Variants in ZNF385D observed in about 807,000 individuals in gnomAD.
ZNF385D encodes zinc finger protein 659.
In ZNF385D, 15 loss-of-function variants were observed where a neutral mutation model predicts 35.8. The observed-to-expected ratio is 0.42, with a 90% confidence interval of 0.28 to 0.64. ZNF385D has a LOEUF of 0.64. Ranked by LOEUF, ZNF385D falls within the 30% of genes least tolerant of loss-of-function variation. The pLI is 0.23. For synonymous variants in ZNF385D, 212 were observed against 186.8 expected (o/e 1.13, Z -1.10); for missense variants, 474 against 494.6 (o/e 0.96, Z 0.39).
intron 3 of ZNF385D, among the ~76,000 whole-genome samples, chr3:21,949,361 T>A (rs1478150353): frequency 2.6e-5 from 4 of 152,116 alleles, no homozygotes; most frequent in Non-Finnish European, 5.9e-5. Flanking sequence ...TCATCCTCCA[T>A]CCTGATGTGC....
chr3:21,499,653 A>C (rs1241496009), intron 4 of ZNF385D, among the ~76,000 whole-genome samples: 8 of 151,968 alleles, frequency 5.3e-5, no homozygotes, highest in African/African-American at 1.4e-4. Flanking sequence ...TTTGAAAAAA[A>C]AAAACCAAAA....
intron 3 of ZNF385D, chr3:21,961,551 A>G (rs1361543626): frequency 1.3e-5 from 2 of 152,260 alleles, no homozygotes; most frequent in Non-Finnish European, 2.9e-5. Flanking sequence ...CTATAGTGAT[A>G]AATAAATTTA....
At chr3:21,968,756 G>C (rs143336392) in intron 3 of ZNF385D, among the ~76,000 whole-genome samples, 2,901 of 152,280 alleles carry the variant, frequency 0.019, 62 homozygotes, top group Non-Finnish European at 0.027. Flanking sequence ...GTGAAACTCA[G>C]AGCTATGCTT....
intron 2 of ZNF385D, among the ~76,000 whole-genome samples, chr3:21,638,071 T>C (rs1010018584): frequency 2.0e-5 from 3 of 152,144 alleles, no homozygotes; most frequent in African/African-American, 7.2e-5. Flanking sequence ...GGTCATTACA[T>C]TGTGCTGGAC....
intron 3 of ZNF385D, among the ~76,000 whole-genome samples, chr3:21,773,669 C>G (rs1318693815): frequency 6.6e-6 from 1 of 151,680 alleles, no homozygotes; most frequent in African/African-American, 2.4e-5. Flanking sequence ...CATATGTTAA[C>G]AAGCCCACCA....
At chr3:22,108,938 A>C (rs1177290943) in intron 3 of ZNF385D, among the ~76,000 whole-genome samples, 1 of 152,060 alleles carries the variant, frequency 6.6e-6, no homozygotes, top group Admixed American at 6.6e-5. Flanking sequence ...CTTGAACCTG[A>C]GAAGCGGAGG....
At chr3:22,019,034 C>CTTTTTTCTT (rs1697061403) in intron 3 of ZNF385D, among the ~76,000 whole-genome samples, 1 of 64,460 alleles carries the variant, frequency 1.6e-5, no homozygotes, top group Admixed American at 1.7e-4. Flanking sequence ...AGTTATTTAC[C>CTTTTTTCTT]TTTTTTTTTT....
At chr3:21,583,792 A>G (rs1345662767) in intron 2 of ZNF385D, among the ~76,000 whole-genome samples, 1 of 150,798 alleles carries the variant, frequency 6.6e-6, no homozygotes, top group Non-Finnish European at 1.5e-5. Flanking sequence ...ATATTCTATT[A>G]TGTTATAACT....
intron 3 of ZNF385D, among the ~76,000 whole-genome samples, chr3:22,102,995 A>G (rs1263260667): frequency 1.1e-4 from 16 of 150,082 alleles, no homozygotes; most frequent in Non-Finnish European, 1.5e-5. Context: ...TATATTATAT[A>G]CTGTATATAT....
chr3:22,046,502 T>C (rs1170628800), intron 3 of ZNF385D, among the ~76,000 whole-genome samples: 2 of 152,176 alleles, frequency 1.3e-5, no homozygotes, highest in African/African-American at 4.8e-5. Flanking sequence ...TTTTTTCCCA[T>C]GTGTGCTAAG....
chr3:22,290,110 A>T (rs1347995839), intron 2 of ZNF385D, among the ~76,000 whole-genome samples: 1 of 152,134 alleles, frequency 6.6e-6, no homozygotes, highest in Non-Finnish European at 1.5e-5. Flanking sequence ...TGCTTAGTCC[A>T]TTATGCTTCC....
At chr3:21,916,147 G>A (rs1473028941) in intron 3 of ZNF385D, among the ~76,000 whole-genome samples, 2 of 151,926 alleles carry the variant, frequency 1.3e-5, no homozygotes, top group African/African-American at 4.8e-5. Context: ...ATATCACAAG[G>A]TAAAAACTCT....
intron 3 of ZNF385D, among the ~76,000 whole-genome samples, chr3:22,012,095 G>C (rs1277253765): frequency 6.6e-6 from 1 of 152,130 alleles, no homozygotes; most frequent in African/African-American, 2.4e-5. Flanking sequence ...CCATAGGTAG[G>C]CTCCAGGGAG....
chr3:22,005,752 C>G (rs1222832103), intron 3 of ZNF385D, among the ~76,000 whole-genome samples: 2 of 152,048 alleles, frequency 1.3e-5, no homozygotes, highest in Non-Finnish European at 2.9e-5. Flanking sequence ...ATCCATTACA[C>G]AACCTTTAGA....
At chr3:21,799,642 T>G (rs777808313) in intron 3 of ZNF385D, among the ~76,000 whole-genome samples, 2 of 152,276 alleles carry the variant, frequency 1.3e-5, no homozygotes, top group Non-Finnish European at 2.9e-5. Flanking sequence ...CATCGAGTTC[T>G]AAGAGTCCTT....
chr3:22,225,461 C>T (rs966805948), intron 2 of ZNF385D, among the ~76,000 whole-genome samples: 2 of 152,144 alleles, frequency 1.3e-5, no homozygotes, highest in Non-Finnish European at 2.9e-5. Context: ...CTGAAAGCAG[C>T]TTTCAACCAA....
intron 3 of ZNF385D, among the ~76,000 whole-genome samples, chr3:21,780,200 C>T (rs989662148): frequency 2.0e-5 from 3 of 152,008 alleles, no homozygotes; most frequent in Non-Finnish European, 2.9e-5. Context: ...AGGCACTGAT[C>T]TAACTACTTT....
chr3:22,063,891 G>C (rs1699808912), intron 3 of ZNF385D, among the ~76,000 whole-genome samples: 1 of 152,144 alleles, frequency 6.6e-6, no homozygotes, highest in Non-Finnish European at 1.5e-5. Flanking sequence ...CCTTTGTTTT[G>C]ACAGCAGGAC....
intron 2 of ZNF385D, among the ~76,000 whole-genome samples, chr3:21,621,085 C>T (rs2064992922): frequency 6.6e-6 from 1 of 152,058 alleles, no homozygotes; most frequent in Admixed American, 6.6e-5. Flanking sequence ...TTGTAAAAAT[C>T]TGTGCTACTT....
Sources: allele counts gnomAD v4.1 joint callset (sites outside exome capture counted in the v4.1 genomes callset), GRCh38; gene constraint gnomAD v4.1.1; transcripts MANE v1.5; gene names NCBI Gene and HGNC (gene_info 2026-07-23, HGNC 2026-07-21).